PRSS21: variants seen among roughly 807,000 people sequenced by gnomAD.
PRSS21 encodes the protein serine protease 21.
Under a neutral mutation model 31.1 loss-of-function variants are expected in PRSS21, and 40 were observed. The ratio of observed to expected loss-of-function variants is 1.29; its 90% confidence interval spans 1.00 to 1.68. PRSS21 has a LOEUF of 1.68. Ranked by LOEUF, PRSS21 falls within the 40% of genes most tolerant of loss-of-function variation. The pLI, the probability that PRSS21 is intolerant of heterozygous loss-of-function variation, is 0.00. For synonymous variants in PRSS21, 186 were observed against 167.7 expected (o/e 1.11, Z -0.84); for missense variants, 467 against 412.6 (o/e 1.13, Z -1.14).
chr16:2,820,263 C>T (rs1038467551), intron 4 of PRSS21, among the ~76,000 whole-genome samples: 4 of 152,200 alleles, frequency 2.6e-5, no homozygotes, highest in African/African-American at 9.7e-5. Flanking sequence ...TTGTTAGTCC[C>T]GAGGGCTTAG....
At chr16:2,818,608 G>A (rs2069118536) in intron 3 of PRSS21, 69 bp from the exon 4 acceptor site, 1 of 1,482,840 alleles carries the variant, frequency 6.7e-7, no homozygotes, top group African/African-American at 1.4e-5. Flanking sequence ...TCCTGCACTG[G>A]ACCCCAGTTG....
chr16:2,821,212 C>T, intron 5 of PRSS21, 103 bp downstream of exon 5: 1 of 1,544,386 alleles, frequency 6.5e-7, no homozygotes, highest in South Asian at 1.2e-5. Flanking sequence ...TGTTGCCCCA[C>T]TCTGCAGATG....
chr16:2,820,605 G>T (rs1277103440), intron 4 of PRSS21, among the ~76,000 whole-genome samples: 1 of 152,168 alleles, frequency 6.6e-6, no homozygotes, highest in East Asian at 1.9e-4. Flanking sequence ...CCTCCCCCAG[G>T]TCTGGCTTTG....
chr16:2,817,272 GGC>G lies in PRSS21; in HGVS notation c.12_13del (p.Leu7AlafsTer78), dbSNP rs1019458596. 3 of 1,533,286 alleles carry G rather than the reference GGC, an allele frequency of 2.0e-6. No individual in the cohort carries two copies. The highest frequency in any genetic ancestry group is 1.4e-5 in the African/African-American group (1 of 72,426). 95.0% of individuals were successfully genotyped at this position (1,533,286 alleles called of 1,614,324 possible). A position where few individuals can be genotyped will look rare whatever the true frequency, so the allele number is the denominator to read the frequency against. ...TCAGGCCGCGGGAGAGGAGGCCATG[GGC>G]GCGCGCGGGGCGCTGCTGCTGGCGC... M[G>X]ARGALLLALL... On this transcript the variant is annotated frameshift_variant, in exon 1 of 6. Coordinates refer to ENST00000005995, the MANE Select transcript of PRSS21 (RefSeq NM_006799.4). LOFTEE classifies it high-confidence loss of function. This position sits in a 1 kb window ranked among gnomAD's most constrained non-coding sequence, Gnocchi z 4.2.
rs751379431 is a variant in PRSS21 at position 2,821,488 on chromosome 16, C to T, written c.828C>T (p.His276=). Residue 276 remains histidine (H), a synonymous_variant, in exon 6 of 6, where the codon CAC becomes CAT. Coordinates refer to ENST00000005995, the MANE Select transcript of PRSS21 (RefSeq NM_006799.4). ...NRPGVYTNIS[H]HFEWIQKLMA... ...CCGGTGTCTACACCAATATCAGCCA[C>T]CACTTTGAGTGGATCCAGAAGCTGA... is the stretch of plus-strand genomic sequence containing the variant. 2 of 1,614,264 alleles carry T rather than the reference C, an allele frequency of 1.2e-6. No individual in the cohort carries two copies. The highest frequency in any genetic ancestry group is 3.3e-5 in the Admixed American group (2 of 60,032).
chr16:2,818,913 T>A lies in PRSS21; in HGVS notation c.494T>A (p.Phe165Tyr), dbSNP rs745389518. The A allele has an allele frequency of 6.2e-7, 1 of 1,614,210 alleles. No individual in the cohort carries two copies. The highest frequency in any genetic ancestry group is 8.5e-7 in the Non-Finnish European group (1 of 1,180,030). The change falls in exon 4 of 6, where the codon TTT (phenylalanine) becomes TAT (tyrosine). Residue 165 changes from phenylalanine (F) to tyrosine (Y), a missense_variant. Transcript: ENST00000005995. ...TGTCTCCAGGCCTCCACATTTGAGT[T>A]TGAGAACCGGACAGACTGCTGGGTG... ...PICLQASTFE[F>Y]ENRTDCWVTG...
chr16:2,820,852 G>C, intron 4 of PRSS21, 103 bp from the exon 5 acceptor site: 1 of 1,227,924 alleles, frequency 8.1e-7, no homozygotes, highest in African/African-American at 1.5e-5. Context: ...AACCTGCCAG[G>C]CACAGTGGGT....
At position 2,817,559 on chromosome 16, in the gene PRSS21, G is replaced by T; in HGVS notation, c.91+103G>T. The T allele has an allele frequency of 1.4e-6, 2 of 1,432,270 alleles. No individual in the cohort carries two copies. Among genetic ancestry groups the T allele is most frequent in the Non-Finnish European group, 1.9e-6 (2 of 1,080,974 alleles). 88.7% of individuals were successfully genotyped at this position (1,432,270 alleles called of 1,614,324 possible). On this transcript the variant is annotated intron_variant, in intron 2 of 5. Coordinates refer to ENST00000005995, the MANE Select transcript of PRSS21 (RefSeq NM_006799.4). The surrounding 1 kb of genome is among the most constrained non-coding windows in gnomAD (Gnocchi z 4.2). The stretch of plus-strand genomic sequence containing the variant: ...GGGCCTTTACTGCTCTCTCGCCCCC[G>T]CCCCCGGGATCGAGAACTCTGTTGG...
chr16:2,818,755 G>A lies in PRSS21; in HGVS notation c.336G>A (p.Leu112=), dbSNP rs746147239. The change falls in exon 4 of 6, where the codon CTG becomes CTA. Residue 112 remains leucine, a synonymous_variant. Transcript: ENST00000005995. ...CTTCCATGCCATCCTTCTGGAGCCT[G>A]CAGGCCTACTACACCCGTTACTTCG... ...QLTSMPSFWS[L]QAYYTRYFVS... The A allele has an allele frequency of 6.2e-7, 1 of 1,613,850 alleles. No homozygotes were observed. The highest frequency in any genetic ancestry group is 1.1e-5 in the South Asian group (1 of 91,078).
chr16:2,820,397 C>T (rs1344086073), intron 4 of PRSS21, among the ~76,000 whole-genome samples: 4 of 152,204 alleles, frequency 2.6e-5, no homozygotes, highest in Admixed American at 1.3e-4. Context: ...GGGCTCCTGT[C>T]AGGCTCTGAA....
Position 2,821,547 on chromosome 16 carries a change from C to A in PRSS21, c.887C>A (p.Ser296Tyr). ...AQSGMSQPDP[S>Y]WPLLFFPLLW... The stretch of plus-strand genomic sequence containing the variant: ...AGTGGCATGTCCCAGCCAGACCCCT[C>A]CTGGCCGCTACTCTTTTTCCCTCTT... The change falls in exon 6 of 6, where the codon TCC becomes TAC. Residue 296 changes from serine to tyrosine, a missense_variant. Coordinates refer to ENST00000005995, the MANE Select transcript of PRSS21 (RefSeq NM_006799.4). The A allele has an allele frequency of 6.2e-7, 1 of 1,614,202 alleles. No homozygotes were observed. The highest frequency in any genetic ancestry group is 8.5e-7 in the Non-Finnish European group (1 of 1,180,016).
chr16:2,817,985 G>C lies in PRSS21; in HGVS notation c.257+19G>C. 6.5e-7 allele frequency: 1 copy of C among 1,542,302 alleles called. No individual in the cohort carries two copies. The highest frequency in any genetic ancestry group is 1.2e-5 in the South Asian group (1 of 83,854). Reference sequence around the variant, plus strand: ...TTGAAACGTGAGTGGGGGTGCGAACGGAGGGGTGCGGGGACGGGCAGGAAC... The same window carrying C: ...TTGAAACGTGAGTGGGGGTGCGAACCGAGGGGTGCGGGGACGGGCAGGAAC... On this transcript the variant is annotated intron_variant, in intron 3 of 5. Transcript: ENST00000005995. The surrounding 1 kb of genome is among the most constrained non-coding windows in gnomAD (Gnocchi z 4.2).
intron 4 of PRSS21, 140 bp from the exon 5 acceptor site, chr16:2,820,815 G>T: frequency 1.2e-6 from 1 of 831,820 alleles, no homozygotes. Flanking sequence ...GCTGGGGTCT[G>T]GGTTGGAGCT....
rs1182004593 is a variant in PRSS21, at chr16:2,817,331, G to A, written c.63G>A (p.Pro21=). ...LLLARAGLRK[P]ESQEAAPLSG... is the part of the protein sequence containing the mutation. ...TGGCTCGGGCTGGACTCAGGAAGCCGGGTGAGCTCGGGGCGCTGCTGGCGG... is the reference window on the plus strand; with the variant it reads ...TGGCTCGGGCTGGACTCAGGAAGCCAGGTGAGCTCGGGGCGCTGCTGGCGG... Residue 21 remains proline, a splice_region_variant and synonymous_variant, in exon 1 of 6, where the codon CCG becomes CCA. Transcript: ENST00000005995. The surrounding 1 kb of genome is among the most constrained non-coding windows in gnomAD (Gnocchi z 4.2). 4 of 1,553,848 alleles carry A rather than the reference G, an allele frequency of 2.6e-6. No individual in the cohort carries two copies. In the South Asian group the frequency reaches 3.5e-5, roughly 14 times the overall value.
chr16:2,817,993 GC>G lies in PRSS21; in HGVS notation c.257+28del. The G allele has an allele frequency of 6.5e-7, 1 of 1,537,248 alleles. No individual in the cohort carries two copies. Among genetic ancestry groups the G allele is most frequent in the Non-Finnish European group, 8.8e-7 (1 of 1,141,002 alleles). On this transcript the variant is annotated intron_variant, in intron 3 of 5. Transcript: ENST00000005995. The surrounding 1 kb of genome is among the most constrained non-coding windows in gnomAD (Gnocchi z 4.2). ...TGAGTGGGGGTGCGAACGGAGGGGT[GC>G]GGGGACGGGCAGGAACAGGGCTGGA...
At chr16:2,819,292 A>G (rs550241299) in intron 4 of PRSS21, among the ~76,000 whole-genome samples, 2 of 152,114 alleles carry the variant, frequency 1.3e-5, no homozygotes, top group South Asian at 4.2e-4. Context: ...CCCAGTGCTC[A>G]CCAATGCCCC....
chr16:2,821,134 A>G lies in PRSS21; in HGVS notation c.705+25A>G, dbSNP rs1328241347. On this transcript the variant is annotated intron_variant, in intron 5 of 5. Coordinates refer to ENST00000005995, the MANE Select transcript of PRSS21 (RefSeq NM_006799.4). ...CGTGAGTGTCCTTGCCACCACTCCC[A>G]GCCCAGGAAAGCATCCTGTGTCCCT... The G allele has an allele frequency of 1.9e-6, 3 of 1,612,658 alleles. No individual in the cohort carries two copies. The African/African-American group carries it at 4.0e-5, about 22-fold the overall frequency.
At position 2,817,941 on chromosome 16, in the gene PRSS21, CT is replaced by C; in HGVS notation, c.233del (p.Leu78ProfsTer26). The part of the protein sequence containing the change: ...GVSLLSHRWA[L>X]TAAHCFETYS... ...GAGCCTGCTCAGCCACCGCTGGGCA[CT>C]CACGGCGGCGCACTGCTTTGAAACG... On this transcript the variant is annotated frameshift_variant, in exon 3 of 6. Coordinates refer to ENST00000005995, the MANE Select transcript of PRSS21 (RefSeq NM_006799.4). LOFTEE classifies it high-confidence loss of function. This position sits in a 1 kb window ranked among gnomAD's most constrained non-coding sequence, Gnocchi z 4.2. The C allele has an allele frequency of 6.5e-7, 1 of 1,549,308 alleles. No homozygotes were observed. The highest frequency in any genetic ancestry group is 1.2e-5 in the South Asian group (1 of 84,036).
In PRSS21 at chr16:2,817,929, C is replaced by T. The variant is rs1222431743; in HGVS notation, c.220C>T (p.His74Tyr). The T allele has an allele frequency of 6.5e-7, 1 of 1,549,506 alleles. No individual in the cohort carries two copies. The highest frequency in any genetic ancestry group is 2.0e-5 in the Admixed American group (1 of 51,000). ...SHVCGVSLLS[H>Y]RWALTAAHCF... ...CGTATGCGGAGTGAGCCTGCTCAGC[C>T]ACCGCTGGGCACTCACGGCGGCGCA... The change falls in exon 3 of 6, where the codon CAC (histidine) becomes TAC (tyrosine). Residue 74 changes from histidine (H) to tyrosine (Y), a missense_variant. Coordinates refer to ENST00000005995, the MANE Select transcript of PRSS21 (RefSeq NM_006799.4). This position sits in a 1 kb window ranked among gnomAD's most constrained non-coding sequence, Gnocchi z 4.2.
Sources: gnomAD v4.1 joint callset for allele counts (sites outside exome capture counted in the v4.1 genomes callset) on GRCh38, gnomAD v4.1.1 for gene constraint, Gnocchi (gnomAD v3.1) non-coding constraint, MANE v1.5 for transcripts, NCBI Gene and HGNC (gene_info 2026-07-23, HGNC 2026-07-21) for gene names.